Variants in TMC4 observed in about 807,000 individuals in gnomAD.
TMC4 encodes the protein transmembrane channel like 4.
Under a neutral mutation model 82.0 loss-of-function variants are expected in TMC4, and 70 were observed. The ratio of observed to expected loss-of-function variants is 0.85; its 90% CI spans 0.70 to 1.04. TMC4 has a LOEUF of 1.04. Among genes scored for constraint, TMC4 ranks in the 50% least tolerant of loss-of-function variants. The pLI, the probability that TMC4 is intolerant of heterozygous loss-of-function variation, is 0.00. For synonymous variants in TMC4, 446 were observed against 406.0 expected (o/e 1.10, Z -1.18); for missense variants, 879 against 899.0 (o/e 0.98, Z 0.28).
chr19:54,168,586 C>T lies in TMC4; in HGVS notation c.537G>A (p.Thr179=). 1 of 1,591,256 alleles carries T rather than the reference C, an allele frequency of 6.3e-7. No homozygotes were observed. The highest frequency in any genetic ancestry group is 8.6e-7 in the Non-Finnish European group (1 of 1,169,450). ...CGCCTCCCAACCAGGTGGGCAGCAG[C>T]GTCATGCAGGCCATGAGCACAGAGG... ...VLASVLMACM[T]LLPTWLGGAP... The change falls in exon 4 of 15, where the codon ACG becomes ACA. Residue 179 remains threonine (T), a synonymous_variant. Coordinates refer to ENST00000619895, the MANE Select transcript of TMC4 (RefSeq NM_144686.4).
At position 54,172,093 on chromosome 19, in the gene TMC4, A is replaced by G. The variant is rs2146932112; in HGVS notation, c.80-10T>C. On this transcript the variant is annotated splice_polypyrimidine_tract_variant and intron_variant, in intron 1 of 14. Coordinates refer to ENST00000619895, the MANE Select transcript of TMC4 (RefSeq NM_144686.4). ...GAAGACAGCGATGGGCCTGGGGAGGAGCAGGGGGCTGGGAAGACCCGGGAG... is the reference window on the plus strand; with the variant it reads ...GAAGACAGCGATGGGCCTGGGGAGGGGCAGGGGGCTGGGAAGACCCGGGAG... 1 of 1,548,652 alleles carries G rather than the reference A, an allele frequency of 6.5e-7. No individual in the cohort carries two copies. Among genetic ancestry groups the G allele is most frequent in the East Asian group, 2.4e-5 (1 of 41,582 alleles).
intron 4 of TMC4, 23 bp downstream of exon 4, chr19:54,168,425 C>T: frequency 1.3e-6 from 2 of 1,525,992 alleles, no homozygotes; most frequent in Non-Finnish European, 8.8e-7. Context: ...GGCGGGGAAT[C>T]CCCCAGGGAC....
chr19:54,160,496 T>C lies in TMC4; in HGVS notation c.2023A>G (p.Ile675Val). The C allele has an allele frequency of 1.2e-6, 2 of 1,614,190 alleles. No individual in the cohort carries two copies. The highest frequency in any genetic ancestry group is 1.7e-6 in the Non-Finnish European group (2 of 1,180,010). ...TCTCTCTGACGTTTGAGCTCAGAGA[T>C]GAGGCGTCCGTAGGAGTTAGCCAGA... ...VALANSYGRL[I>V]SELKRQRETE... is the part of the protein sequence containing the mutation. The change falls in exon 14 of 15, where the codon ATC (isoleucine) becomes GTC (valine). Residue 675 changes from isoleucine (I) to valine (V), a missense_variant. Physicochemically the swap from Ile to Val is conservative, Grantham distance 29. Coordinates refer to ENST00000619895, the MANE Select transcript of TMC4 (RefSeq NM_144686.4).
chr19:54,165,624 G>C, intron 5 of TMC4, 58 bp from the exon 6 acceptor site: 2 of 1,552,690 alleles, frequency 1.3e-6, no homozygotes, highest in Non-Finnish European at 1.7e-6. Flanking sequence ...CGGGGGTTAT[G>C]GGGAGACCCC....
chr19:54,167,800 C>T (rs962461507), intron 5 of TMC4, among the ~76,000 whole-genome samples: 1 of 151,858 alleles, frequency 6.6e-6, no homozygotes, highest in Admixed American at 6.5e-5. Context: ...CGGTGGCTCA[C>T]GCCTGTAATC....
At chr19:54,172,866 C>G (rs1295302379) in intron 1 of TMC4, 173 bp downstream of exon 1, 5 of 633,442 alleles carry the variant, frequency 7.9e-6, no homozygotes, top group Non-Finnish European at 1.4e-5. Context: ...TCCTCCTCCT[C>G]AGACCCTGGA....
At position 54,168,866 on chromosome 19, in the gene TMC4, TCTTTTCTTTTCTTTTC is replaced by T. The variant is rs1568745268; in HGVS notation, c.443-202_443-187del. On this transcript the variant is annotated intron_variant, in intron 3 of 14. Transcript: ENST00000619895. ...TCTTTTCTTTTCTTTTCTTTTCTTT[TCTTTTCTTTTCTTTTC>T]TTTTCTTTCTTTCCTTTCTTTCTTC... Among the ~76,000 whole-genome samples, 2 of 45,818 alleles carry T rather than the reference TCTTTTCTTTTCTTTTC, an allele frequency of 4.4e-5. 1 individual carries two copies. Among genetic ancestry groups the T allele is most frequent in the African/African-American group, 1.9e-4 (2 of 10,388 alleles). The allele number at this position is 45,818 out of a possible 152,430, so 30.1% of individuals were successfully genotyped here.
At chr19:54,163,543 G>T in intron 8 of TMC4, 181 bp downstream of exon 8, 1 of 734,918 alleles carries the variant, frequency 1.4e-6, no homozygotes, top group Non-Finnish European at 2.3e-6. Context: ...CCTGACCTCA[G>T]CCTCGGCCTC....
At chr19:54,160,829 C>A in intron 13 of TMC4, 49 bp downstream of exon 13, 1 of 1,601,822 alleles carries the variant, frequency 6.2e-7, no homozygotes, top group East Asian at 2.2e-5. Context: ...GTGGTGGCCC[C>A]CAGATCACAC....
chr19:54,170,982 C>A (rs2075867221), intron 2 of TMC4, among the ~76,000 whole-genome samples: 1 of 150,982 alleles, frequency 6.6e-6, no homozygotes, highest in Admixed American at 6.6e-5. Context: ...TGGCTATATT[C>A]ACAGGCATGA....
rs2075626531 is a variant in TMC4 at position 54,163,704 on chromosome 19, CATCCCCGTGA to C, written c.1277+10_1277+19del. 1 of 1,613,882 alleles carries C rather than the reference CATCCCCGTGA, an allele frequency of 6.2e-7. No individual in the cohort carries two copies. The highest frequency in any genetic ancestry group is 8.5e-7 in the Non-Finnish European group (1 of 1,179,958). On this transcript the variant is annotated intron_variant, in intron 8 of 14. Transcript: ENST00000619895. ...GCCCCCACCCTTCATCATTCCCAGCCATCCCCGTGAGGCTGGAACCTGAGCAGGATAAAAA... is the reference window on the plus strand; with the variant it reads ...GCCCCCACCCTTCATCATTCCCAGCCGGCTGGAACCTGAGCAGGATAAAAA...
At chr19:54,166,996 T>C (rs1443046565) in intron 5 of TMC4, among the ~76,000 whole-genome samples, 1 of 151,632 alleles carries the variant, frequency 6.6e-6, no homozygotes, top group Non-Finnish European at 1.5e-5. Flanking sequence ...CATTGGCTCA[T>C]GCCTGTAATT....
intron 9 of TMC4, 55 bp from the exon 10 acceptor site, chr19:54,162,825 C>T (rs2075601220): frequency 6.4e-7 from 1 of 1,550,784 alleles, no homozygotes; most frequent in African/African-American, 1.4e-5. Flanking sequence ...ACCTGGAGGC[C>T]CACGCGTCCG....
chr19:54,170,886 T>G lies in TMC4; in HGVS notation c.293+984A>C, dbSNP rs4806720. On this transcript the variant is annotated intron_variant, in intron 2 of 14. Transcript: ENST00000619895. ...TAGATAGCTGTTCTTTTAACTTGTA[T>G]TATTTTTTGTCATATTGTTACTTTG... 1.7e-3 allele frequency among the ~76,000 whole-genome samples: 262 copies of G among 152,206 alleles called. 1 individual carries two copies. The highest frequency in any genetic ancestry group is 4.8e-3 in the Admixed American group (73 of 15,266).
chr19:54,163,894 G>A lies in TMC4; in HGVS notation c.1114-7C>T, dbSNP rs375340800. Reference sequence around the variant, plus strand: ...CCTGGACAAGGGGCATCTCCTGGGAGCGGGATGGACCATGAGTAGAGGCTT... The same window carrying A: ...CCTGGACAAGGGGCATCTCCTGGGAACGGGATGGACCATGAGTAGAGGCTT... On this transcript the variant is annotated splice_region_variant and splice_polypyrimidine_tract_variant and intron_variant, in intron 7 of 14. Coordinates refer to ENST00000619895, the MANE Select transcript of TMC4 (RefSeq NM_144686.4). 49 of 1,614,022 alleles carry A rather than the reference G, an allele frequency of 3.0e-5. No individual in the cohort carries two copies. In the African/African-American group the frequency reaches 6.0e-4, roughly 20 times the overall value.
chr19:54,169,039 CT>C (rs1364229317), intron 3 of TMC4, among the ~76,000 whole-genome samples: 1 of 6,520 alleles, frequency 1.5e-4, no homozygotes, highest in Non-Finnish European at 2.5e-4. Context: ...CTTTTCTTTT[CT>C]TTTTTTTTTT....
At chr19:54,168,412 G>A in intron 4 of TMC4, 36 bp downstream of exon 4, 1 of 1,523,856 alleles carries the variant, frequency 6.6e-7, no homozygotes, top group Non-Finnish European at 8.8e-7. Context: ...GGGGTCACAG[G>A]TGGGCGGGGA....
chr19:54,166,657 A>G (rs573515318), intron 5 of TMC4, among the ~76,000 whole-genome samples: 5 of 152,082 alleles, frequency 3.3e-5, no homozygotes, highest in Non-Finnish European at 7.4e-5. Flanking sequence ...CCCTTCTCTT[A>G]AAATCGAGGC....
At position 54,172,985 on chromosome 19, in the gene TMC4, C is replaced by T. The variant is rs917187755; in HGVS notation, c.79+54G>A. 5.9e-6 allele frequency: 9 copies of T among 1,521,956 alleles called. No homozygotes were observed. The Middle Eastern group carries it at 5.2e-4, about 88-fold the overall frequency. The allele number at this position is 1,521,956 out of a possible 1,614,324, so 94.3% of individuals were successfully genotyped here. ...CCTCCCCTTTCCTCCTCCAGCAGGACTCCCACCTAGCCTGAAGGTCGGATG... is the reference window on the plus strand; with the variant it reads ...CCTCCCCTTTCCTCCTCCAGCAGGATTCCCACCTAGCCTGAAGGTCGGATG... On this transcript the variant is annotated intron_variant, in intron 1 of 14. Transcript: ENST00000619895.
Sources: gnomAD v4.1 joint callset for allele counts (sites outside exome capture counted in the v4.1 genomes callset) on GRCh38, gnomAD v4.1.1 for gene constraint, MANE v1.5 for transcripts, NCBI Gene and HGNC (gene_info 2026-07-23, HGNC 2026-07-21) for gene names.